Variants in NCAM2 observed in about 807,000 individuals in gnomAD.
NCAM2 encodes neural cell adhesion molecule 2.
A neutral mutation model predicts 98.1 loss-of-function variants in NCAM2; 30 were observed. The observed-to-expected ratio is 0.31, with a 90% CI of 0.23 to 0.41. The LOEUF is 0.41. Among genes scored for constraint, NCAM2 ranks in the 10% least tolerant of loss-of-function variants. The probability of loss-of-function intolerance (pLI) is 1.00; values close to 1 mark genes in which losing one functional copy is unlikely to be tolerated. For synonymous variants in NCAM2, 368 were observed against 342.4 expected (o/e 1.07, Z -0.83); for missense variants, 867 against 1,005.8 (o/e 0.86, Z 1.87).
intron 1 of NCAM2, among the ~76,000 whole-genome samples, chr21:20,999,711 A>G (rs887551271): frequency 6.6e-6 from 1 of 152,216 alleles, no homozygotes. Context: ...TATCCCCAAG[A>G]TATTCAGTTC....
At chr21:21,195,593 G>C (rs1327058895) in intron 1 of NCAM2, among the ~76,000 whole-genome samples, 1 of 152,070 alleles carries the variant, frequency 6.6e-6, no homozygotes, top group South Asian at 2.1e-4. Flanking sequence ...GCAAGAACTA[G>C]GTTTTTATAT....
At chr21:21,025,067 G>T (rs973841569) in intron 1 of NCAM2, among the ~76,000 whole-genome samples, 3 of 151,962 alleles carry the variant, frequency 2.0e-5, no homozygotes, top group African/African-American at 7.3e-5. Flanking sequence ...AAAGGAAAAG[G>T]ATTTAAAAAT....
chr21:21,499,097 A>G (rs754281944), intron 15 of NCAM2, among the ~76,000 whole-genome samples: 1 of 152,222 alleles, frequency 6.6e-6, no homozygotes, highest in East Asian at 1.9e-4. Context: ...CTAGCTAAGA[A>G]GTGAAGAAAT....
At chr21:21,053,815 T>C (rs895608703) in intron 1 of NCAM2, among the ~76,000 whole-genome samples, 1 of 151,842 alleles carries the variant, frequency 6.6e-6, no homozygotes, top group Non-Finnish European at 1.5e-5. Context: ...TTGTTCTTTT[T>C]CTACTTACTT....
intron 1 of NCAM2, among the ~76,000 whole-genome samples, chr21:21,172,450 A>C (rs2068155558): frequency 6.6e-6 from 1 of 152,082 alleles, no homozygotes; most frequent in Non-Finnish European, 1.5e-5. Flanking sequence ...TGCCATCTGT[A>C]AGTCTGAAAA....
chr21:21,483,405 A>C (rs1986068019), intron 15 of NCAM2, among the ~76,000 whole-genome samples: 1 of 152,016 alleles, frequency 6.6e-6, no homozygotes, highest in Non-Finnish European at 1.5e-5. Flanking sequence ...ATATTGCTAA[A>C]ATATTTCAGT....
intron 11 of NCAM2, among the ~76,000 whole-genome samples, chr21:21,429,454 T>C (rs1372854492): frequency 6.6e-6 from 1 of 152,052 alleles, no homozygotes; most frequent in Non-Finnish European, 1.5e-5. Flanking sequence ...CAAACTGGAG[T>C]GTAATGCCTA....
intron 5 of NCAM2, among the ~76,000 whole-genome samples, chr21:21,301,455 T>C (rs1005518121): frequency 6.8e-6 from 1 of 147,320 alleles, no homozygotes; most frequent in Non-Finnish European, 1.5e-5. Flanking sequence ...TACATATGTA[T>C]ACATGTGCCA....
At chr21:21,304,328 A>T (rs2073816128) in intron 5 of NCAM2, among the ~76,000 whole-genome samples, 1 of 150,332 alleles carries the variant, frequency 6.7e-6, no homozygotes. Flanking sequence ...GGTTTGTTGT[A>T]TTTTTTTTTT....
intron 1 of NCAM2, among the ~76,000 whole-genome samples, chr21:21,180,252 T>C (rs1419507978): frequency 6.6e-6 from 1 of 152,224 alleles, no homozygotes; most frequent in Non-Finnish European, 1.5e-5. Context: ...AAAAAATTAA[T>C]TTTATGGATA....
At chr21:21,403,604 A>G (rs1042939803) in intron 9 of NCAM2, among the ~76,000 whole-genome samples, 2 of 152,172 alleles carry the variant, frequency 1.3e-5, no homozygotes, top group Admixed American at 6.6e-5. Context: ...AAATTTTGAT[A>G]TTATTTTGAA....
intron 1 of NCAM2, among the ~76,000 whole-genome samples, chr21:21,238,679 T>C (rs575339497): frequency 6.6e-6 from 1 of 152,294 alleles, no homozygotes; most frequent in East Asian, 1.9e-4. Flanking sequence ...CAGAGCACTT[T>C]TCAAAAGAGT....
At chr21:21,171,182 G>C (rs559190366) in intron 1 of NCAM2, among the ~76,000 whole-genome samples, 26 of 152,276 alleles carry the variant, frequency 1.7e-4, no homozygotes, top group African/African-American at 6.3e-4. Context: ...TATTAAGCAG[G>C]TTCTAAGCTG....
At chr21:21,186,264 T>G (rs772228857) in intron 1 of NCAM2, among the ~76,000 whole-genome samples, 1 of 152,182 alleles carries the variant, frequency 6.6e-6, no homozygotes, top group Non-Finnish European at 1.5e-5. Context: ...TTTTTTCATC[T>G]CTTTTCTAAG....
At chr21:21,147,695 C>T (rs1435663256) in intron 1 of NCAM2, among the ~76,000 whole-genome samples, 2 of 135,694 alleles carry the variant, frequency 1.5e-5, no homozygotes, top group African/African-American at 2.5e-5. Context: ...ACACATACAT[C>T]AAAAACATAC....
intron 12 of NCAM2, among the ~76,000 whole-genome samples, chr21:21,464,445 A>C (rs1287527931): frequency 1.3e-5 from 2 of 152,122 alleles, no homozygotes; most frequent in African/African-American, 4.8e-5. Context: ...TATCTGATTT[A>C]ATTAATAAAA....
At chr21:21,369,001 C>T (rs1257688523) in intron 8 of NCAM2, among the ~76,000 whole-genome samples, 4 of 151,804 alleles carry the variant, frequency 2.6e-5, no homozygotes, top group Non-Finnish European at 5.9e-5. Context: ...AAACAATTCA[C>T]CCATTAAACT....
chr21:21,186,895 A>G (rs888440479), intron 1 of NCAM2, among the ~76,000 whole-genome samples: 1 of 152,278 alleles, frequency 6.6e-6, no homozygotes, highest in Non-Finnish European at 1.5e-5. Flanking sequence ...AAAGATAATA[A>G]AATTTGGAAA....
intron 1 of NCAM2, among the ~76,000 whole-genome samples, chr21:21,021,956 A>C (rs977660013): frequency 6.6e-6 from 1 of 152,182 alleles, no homozygotes; most frequent in African/African-American, 2.4e-5. Context: ...TTGAAAAAAT[A>C]AATGGATGAT....
Sources: allele counts gnomAD v4.1 joint callset (sites outside exome capture counted in the v4.1 genomes callset), GRCh38; gene constraint gnomAD v4.1.1; transcripts MANE v1.5; gene names NCBI Gene and HGNC (gene_info 2026-07-23, HGNC 2026-07-21).